MASP2: variants seen among roughly 807,000 people sequenced by gnomAD.
The protein encoded by MASP2 is mannan-binding lectin serine protease 2.
MASP2 carries 49 observed loss-of-function variants against 57.1 expected under a neutral mutation model. That is an observed-to-expected ratio of 0.86 (90% CI 0.68 to 1.09). The LOEUF is 1.09. Among genes scored for constraint, MASP2 ranks in the 50% least tolerant of loss-of-function variants. The pLI is 0.00. For missense variants in MASP2, 900 were observed against 874.8 expected (o/e 1.03, Z -0.36); for synonymous variants, 379 against 340.8 (o/e 1.11, Z -1.24).
intron 3 of MASP2, chr1:11,046,138 T>C (rs1638630839): frequency 1.0e-5 from 3 of 294,466 alleles, no homozygotes; most frequent in South Asian, 6.5e-5. Context: ...TCAGCCTCCC[T>C]AGTAGCTGGG....
intron 8 of MASP2, among the ~76,000 whole-genome samples, chr1:11,032,646 C>T (rs916299068): frequency 2.3e-4 from 34 of 149,670 alleles, no homozygotes; most frequent in Non-Finnish European, 4.0e-4. Flanking sequence ...CGGTGGCTCA[C>T]GCCTGTAATC....
intron 5 of MASP2, 103 bp from the exon 6 acceptor site, chr1:11,043,125 G>A: frequency 7.8e-7 from 1 of 1,277,716 alleles, no homozygotes; most frequent in East Asian, 2.3e-5. Flanking sequence ...AGCCAATGAG[G>A]CCAACCCAGG....
chr1:11,039,365 GAT>G (rs1638344748), intron 6 of MASP2, among the ~76,000 whole-genome samples: 1 of 145,524 alleles, frequency 6.9e-6, no homozygotes, highest in Non-Finnish European at 1.5e-5. Context: ...TGGATGGATG[GAT>G]GGATGGATGG....
In MASP2 at chr1:11,032,875, C is replaced by T. The variant is rs559024045; in HGVS notation, c.1087+1953G>A. Among the ~76,000 whole-genome samples, 121 of 152,218 alleles carry T rather than the reference C, an allele frequency of 7.9e-4. 1 individual carries two copies. Among genetic ancestry groups the T allele is most frequent in the African/African-American group, 2.8e-3 (116 of 41,524 alleles). On this transcript the variant is annotated intron_variant, in intron 8 of 10. Transcript: ENST00000400897. ...AGTGAGCCGAGATGGCGCCACTCCA[C>T]TCCAGCCTGGGTGACAGAACAAGAC...
chr1:11,032,422 G>A (rs1175810924), intron 8 of MASP2, among the ~76,000 whole-genome samples: 1 of 151,990 alleles, frequency 6.6e-6, no homozygotes, highest in Non-Finnish European at 1.5e-5. Context: ...GACAAGCCTG[G>A]GCAACATGGT....
At chr1:11,033,959 A>T (rs1570741906) in intron 8 of MASP2, among the ~76,000 whole-genome samples, 2 of 28,686 alleles carry the variant, frequency 7.0e-5, no homozygotes, top group South Asian at 3.0e-3. Flanking sequence ...ACACACACAC[A>T]CACACACTCT....
chr1:11,034,848 C>A lies in MASP2; in HGVS notation c.1067G>T (p.Arg356Leu), dbSNP rs530417228. 40 of 1,612,686 alleles carry A rather than the reference C, an allele frequency of 2.5e-5. No individual in the cohort carries two copies. The highest frequency in any genetic ancestry group is 3.3e-5 in the Non-Finnish European group (39 of 1,179,406). The change falls in exon 8 of 11, where the codon CGG (arginine) becomes CTG (leucine). Residue 356 changes from arginine (R) to leucine (L), a missense_variant. By Grantham distance (102) the Arg-to-Leu change is moderately radical. Coordinates refer to ENST00000400897, the MANE Select transcript of MASP2 (RefSeq NM_006610.4). ...CGTACTGCTGCACGCGGGCATTGGC[C>A]GGTCCCAAGATCCATCTTTCTGACA... Reference protein sequence around the residue: ...AVCQKDGSWDRPMPACSIVDC... With the variant: ...AVCQKDGSWDLPMPACSIVDC...
At position 11,043,539 on chromosome 1, in the gene MASP2, G is replaced by T. The variant is rs775905080; in HGVS notation, c.545-4C>A. 2 of 1,589,750 alleles carry T rather than the reference G, an allele frequency of 1.3e-6. No individual in the cohort carries two copies. The highest frequency in any genetic ancestry group is 1.7e-6 in the Non-Finnish European group (2 of 1,168,784). On this transcript the variant is annotated splice_polypyrimidine_tract_variant and splice_region_variant and intron_variant, in intron 4 of 10. Coordinates refer to ENST00000400897, the MANE Select transcript of MASP2 (RefSeq NM_006610.4). The stretch of plus-strand genomic sequence containing the variant: ...AAGACCTGGCCGGAGCACAGGGCTG[G>T]AAGGAGGGAAGGCAGGGGAGTGACT...
In MASP2 at chr1:11,030,778, C is replaced by T. The variant is rs376983296; in HGVS notation, c.1192G>A (p.Glu398Lys). ...TTCACTTTCATTGTGTAGAAGGTCT[C>T]TTCACAGCTGTACTGAATCACAGCT... is the stretch of plus-strand genomic sequence containing the variant. ...YKAVIQYSCE[E>K]TFYTMKVNDG... The change falls in exon 9 of 11, where the codon GAG becomes AAG. Residue 398 changes from glutamate (E) to lysine (K), a missense_variant. Glu to Lys is a moderately conservative substitution (Grantham distance 56). Transcript: ENST00000400897. The T allele has an allele frequency of 9.9e-6, 16 of 1,613,134 alleles. No individual in the cohort carries two copies. The highest frequency in any genetic ancestry group is 2.2e-5 in the South Asian group (2 of 90,906).
At chr1:11,045,730 G>A (rs1638618871) in intron 3 of MASP2, 191 bp from the exon 4 acceptor site, 6 of 608,116 alleles carry the variant, frequency 9.9e-6, no homozygotes, top group Non-Finnish European at 1.7e-5. Context: ...GCAGCGCTGG[G>A]AGAAAGATGC....
At chr1:11,038,163 G>A (rs1638308632) in intron 6 of MASP2, among the ~76,000 whole-genome samples, 2 of 152,148 alleles carry the variant, frequency 1.3e-5, no homozygotes, top group African/African-American at 4.8e-5. Context: ...GCTCAGGGGA[G>A]GCTTTGGGAC....
At chr1:11,032,003 C>T (rs1643854527) in intron 8 of MASP2, among the ~76,000 whole-genome samples, 2 of 152,116 alleles carry the variant, frequency 1.3e-5, no homozygotes, top group African/African-American at 2.4e-5. Flanking sequence ...CTGGGCACGG[C>T]TCACACGTGT....
chr1:11,031,142 C>G (rs1643837372), intron 8 of MASP2, among the ~76,000 whole-genome samples: 1 of 151,944 alleles, frequency 6.6e-6, no homozygotes, highest in South Asian at 2.1e-4. Flanking sequence ...GGGGAGTCGT[C>G]CATGTGGAGG....
intron 3 of MASP2, chr1:11,046,212 C>G: frequency 2.7e-6 from 1 of 369,804 alleles, no homozygotes; most frequent in South Asian, 2.4e-5. Context: ...AGAGTTTCAC[C>G]GTGTTGCCCT....
At position 11,042,939 on chromosome 1, in the gene MASP2, G is replaced by A; in HGVS notation, c.825C>T (p.Thr275=). 1.2e-6 allele frequency: 2 copies of A among 1,613,926 alleles called. No individual in the cohort carries two copies. The highest frequency in any genetic ancestry group is 1.7e-6 in the Non-Finnish European group (2 of 1,179,840). Residue 275 remains threonine (T), a synonymous_variant, in exon 6 of 11, where the codon ACC becomes ACT. Coordinates refer to ENST00000400897, the MANE Select transcript of MASP2 (RefSeq NM_006610.4). ...CTGATTCATCTGTGACAAAGGTGAT[G>A]GTCACCGTGTTGCTTTTTGTTTCAA... ...HRIETKSNTV[T]ITFVTDESGD...
At chr1:11,041,404 G>GGATGGA (rs1638430139) in intron 6 of MASP2, among the ~76,000 whole-genome samples, 1 of 120,742 alleles carries the variant, frequency 8.3e-6, no homozygotes, top group Admixed American at 8.2e-5. Context: ...GGATGGATGA[G>GGATGGA]TGGATGGATG....
chr1:11,041,314 T>C (rs1258043695), intron 6 of MASP2, among the ~76,000 whole-genome samples: 1 of 149,240 alleles, frequency 6.7e-6, no homozygotes, highest in African/African-American at 2.5e-5. Context: ...GATGGATAAA[T>C]GGAAGGATGG....
rs1464258923 is a variant in MASP2, at chr1:11,037,742, A to G, written c.959T>C (p.Leu320Pro). ...HVSPVQAKYI[L>P]KDSFSIFCET... is the part of the protein sequence containing the mutation. Reference sequence around the variant, plus strand: ...GCAAAAGATGGAGAAGCTGTCTTTCAGGATGTATTTGGCTTGCACAGGTGA... The same window carrying G: ...GCAAAAGATGGAGAAGCTGTCTTTCGGGATGTATTTGGCTTGCACAGGTGA... The change falls in exon 7 of 11, where the codon CTG becomes CCG. Residue 320 changes from leucine to proline, a missense_variant. Transcript: ENST00000400897. The G allele has an allele frequency of 2.5e-6, 4 of 1,613,082 alleles. No individual in the cohort carries two copies. The highest frequency in any genetic ancestry group is 3.4e-6 in the Non-Finnish European group (4 of 1,179,706).
At chr1:11,046,829 C>T in intron 2 of MASP2, 62 bp downstream of exon 2, 1 of 1,548,886 alleles carries the variant, frequency 6.5e-7, no homozygotes, top group Non-Finnish European at 8.7e-7. Context: ...TCCCTGAACC[C>T]TGGCTACTCC....
Sources: allele counts gnomAD v4.1 joint callset (sites outside exome capture counted in the v4.1 genomes callset), GRCh38; gene constraint gnomAD v4.1.1; transcripts MANE v1.5; gene names NCBI Gene and HGNC (gene_info 2026-07-23, HGNC 2026-07-21).